SIPA1L3: variants seen among roughly 807,000 people sequenced by gnomAD.
SIPA1L3 encodes signal-induced proliferation-associated 1-like protein 3.
In SIPA1L3, 59 loss-of-function variants were observed where a neutral mutation model predicts 150.1. That is an observed-to-expected ratio of 0.39 (90% CI 0.32 to 0.49). The LOEUF (loss-of-function observed/expected upper bound fraction) is 0.49. Ranked by LOEUF, SIPA1L3 falls within the 20% of genes least tolerant of loss-of-function variation. The pLI is 0.86. For missense variants in SIPA1L3, 2,211 were observed against 2,489.5 expected (o/e 0.89, Z 2.38); for synonymous variants, 1,070 against 1,077.6 (o/e 0.99, Z 0.14).
chr19:38,041,251 C>T (rs1031500469), intron 2 of SIPA1L3, among the ~76,000 whole-genome samples: 1 of 149,046 alleles, frequency 6.7e-6, no homozygotes, highest in African/African-American at 2.5e-5. Context: ...GGATTACAGG[C>T]ACCCGCCAAC....
At chr19:38,022,000 ATCT>A (rs1330283261) in intron 1 of SIPA1L3, among the ~76,000 whole-genome samples, 1 of 152,236 alleles carries the variant, frequency 6.6e-6, no homozygotes, top group Non-Finnish European at 1.5e-5. Flanking sequence ...TCTTTGACCC[ATCT>A]GACATTGATG....
At chr19:38,178,367 T>C (rs1377363635) in intron 15 of SIPA1L3, among the ~76,000 whole-genome samples, 1 of 151,732 alleles carries the variant, frequency 6.6e-6, no homozygotes, top group Non-Finnish European at 1.5e-5. Context: ...ACTCCTGGGC[T>C]CCAGCAGTTC....
At chr19:38,040,954 G>A (rs1023580607) in intron 2 of SIPA1L3, among the ~76,000 whole-genome samples, 1 of 151,742 alleles carries the variant, frequency 6.6e-6, no homozygotes, top group African/African-American at 2.4e-5. Context: ...TAGTAGAGAC[G>A]GGGTTTCACC....
chr19:37,973,908 C>T (rs1004723051), intron 1 of SIPA1L3, among the ~76,000 whole-genome samples: 5 of 152,098 alleles, frequency 3.3e-5, no homozygotes, highest in Non-Finnish European at 7.4e-5. Flanking sequence ...ACTCCACCCT[C>T]GATCACCCAA....
Position 38,206,255 on chromosome 19 carries a change from GC to G in SIPA1L3, c.*18del. The G allele has an allele frequency of 6.5e-7, 1 of 1,531,846 alleles. No homozygotes were observed. The highest frequency in any genetic ancestry group is 8.8e-7 in the Non-Finnish European group (1 of 1,134,700). 94.9% of individuals were successfully genotyped at this position (1,531,846 alleles called of 1,614,324 possible). A position where few individuals can be genotyped will look rare whatever the true frequency, so the allele number is the denominator to read the frequency against. On this transcript the variant is annotated 3_prime_UTR_variant, in exon 22 of 22. Coordinates refer to ENST00000222345, the MANE Select transcript of SIPA1L3 (RefSeq NM_015073.3). ...AGGAGCTCTGAGGTGGGAGGCCGCC[GC>G]CCGCCTTCGCTCCTTCCCCTCAGGC...
intron 1 of SIPA1L3, among the ~76,000 whole-genome samples, chr19:37,949,120 T>G (rs2046738847): frequency 6.6e-6 from 1 of 152,206 alleles, no homozygotes; most frequent in Non-Finnish European, 1.5e-5. Context: ...TTGCACTGTC[T>G]CCTGGCATCA....
Position 38,206,156 on chromosome 19 carries a change from G to C in SIPA1L3, c.5262G>C (p.Gln1754His), listed in dbSNP as rs1973204709. The C allele has an allele frequency of 6.4e-7, 1 of 1,551,566 alleles. No individual in the cohort carries two copies. Among genetic ancestry groups the C allele is most frequent in the Non-Finnish European group, 8.7e-7 (1 of 1,147,174 alleles). Residue 1754 changes from glutamine (Q) to histidine (H), a missense_variant, in exon 22 of 22, where the codon CAG (glutamine) becomes CAC (histidine). By Grantham distance (24) the Gln-to-His change is conservative. Around this residue, in one of 5 missense-constraint regions of SIPA1L3, gnomAD observed 63 missense variants for 106.1 expected, o/e 0.59. Coordinates refer to ENST00000222345, the MANE Select transcript of SIPA1L3 (RefSeq NM_015073.3). ...TGGCCAGCCTGCGGCAGAACAACCA[G>C]CGGCTGCAGGAGGAGTCGCAGGCCG... ...SEVASLRQNN[Q>H]RLQEESQAAS...
intron 21 of SIPA1L3, among the ~76,000 whole-genome samples, chr19:38,205,826 T>C (rs559164089): frequency 4.6e-5 from 7 of 152,346 alleles, no homozygotes; most frequent in Admixed American, 2.6e-4. Context: ...TGTCAAGCGA[T>C]GACTCCACAT....
intron 2 of SIPA1L3, among the ~76,000 whole-genome samples, chr19:38,057,611 T>G (rs1360978064): frequency 1.3e-5 from 2 of 151,828 alleles, no homozygotes; most frequent in African/African-American, 4.8e-5. Context: ...TAGGATTAAT[T>G]TACAGAAGTA....
rs1056881865 is a variant in SIPA1L3, at chr19:38,082,207, C to G, written c.642C>G (p.Pro214=). The G allele has an allele frequency of 3.1e-6, 5 of 1,602,996 alleles. No individual in the cohort carries two copies. The highest frequency in any genetic ancestry group is 4.2e-6 in the Non-Finnish European group (5 of 1,179,764). The change falls in exon 3 of 22, where the codon CCC becomes CCG. Residue 214 remains proline (P), a synonymous_variant. Transcript: ENST00000222345. The part of the protein sequence containing the change: ...STSSIDVQGM[P]EQSFFDILNE... ...CGTCCATCGACGTGCAGGGCATGCCCGAGCAGAGCTTCTTCGACATCCTGA... is the reference window on the plus strand; with the variant it reads ...CGTCCATCGACGTGCAGGGCATGCCGGAGCAGAGCTTCTTCGACATCCTGA...
chr19:38,082,618 C>T lies in SIPA1L3; in HGVS notation c.1053C>T (p.Asp351=), dbSNP rs758356924. 2.5e-6 allele frequency: 4 copies of T among 1,604,714 alleles called. No homozygotes were observed. The highest frequency in any genetic ancestry group is 2.2e-5 in the East Asian group (1 of 44,888). Residue 351 remains aspartate (D), a synonymous_variant, in exon 3 of 22, where the codon GAC becomes GAT. Transcript: ENST00000222345. The part of the protein sequence containing the change: ...AHFDVQSMLF[D]LNEAAANRVS... ...TCGACGTGCAGAGCATGCTGTTCGA[C>T]CTCAACGAGGCGGCCGCCAACAGGG...
intron 2 of SIPA1L3, among the ~76,000 whole-genome samples, chr19:38,063,684 A>G (rs1026698568): frequency 2.0e-5 from 3 of 152,138 alleles, no homozygotes; most frequent in Non-Finnish European, 2.9e-5. Flanking sequence ...GTATTTAACC[A>G]TCAGTCTAGC....
intron 4 of SIPA1L3, among the ~76,000 whole-genome samples, chr19:38,094,884 T>G (rs1412186349): frequency 2.0e-5 from 3 of 152,006 alleles, no homozygotes; most frequent in South Asian, 2.1e-4. Context: ...CTGGTCAACA[T>G]GGCAAAACTC....
chr19:38,101,014 C>T, intron 5 of SIPA1L3, 38 bp from the exon 6 acceptor site: 3 of 1,503,300 alleles, frequency 2.0e-6, no homozygotes, highest in Non-Finnish European at 2.7e-6. Flanking sequence ...GCCATCTCTG[C>T]CTGGCCTGCC....
chr19:38,176,746 T>C (rs332854), intron 15 of SIPA1L3, among the ~76,000 whole-genome samples: 97,015 of 151,856 alleles, frequency 0.64, 31,263 homozygotes, highest in African/African-American at 0.73. Context: ...TCAAGGCAGG[T>C]GGATCACCTG....
At chr19:37,995,652 G>A (rs931164866) in intron 1 of SIPA1L3, among the ~76,000 whole-genome samples, 5 of 152,184 alleles carry the variant, frequency 3.3e-5, no homozygotes, top group African/African-American at 9.7e-5. Context: ...GCCTGAGGAG[G>A]TGGGGCCTGG....
chr19:38,110,274 C>G lies in SIPA1L3; in HGVS notation c.2181C>G (p.Phe727Leu). ...GAAATGACATCGTGACGATCATCTT[C>G]CAGGAGCCTGGCGCGCTACCGTTCA... ...HIGNDIVTII[F>L]QEPGALPFTP... Residue 727 changes from phenylalanine (F) to leucine (L), a missense_variant, in exon 8 of 22, where the codon TTC becomes TTG. Phe to Leu is a conservative substitution (Grantham distance 22, BLOSUM62 0). Coordinates refer to ENST00000222345, the MANE Select transcript of SIPA1L3 (RefSeq NM_015073.3). The G allele has an allele frequency of 6.2e-7, 1 of 1,614,180 alleles. No homozygotes were observed. Among genetic ancestry groups the G allele is most frequent in the South Asian group, 1.1e-5 (1 of 91,084 alleles).
chr19:38,205,560 G>A (rs1446790207), intron 21 of SIPA1L3, among the ~76,000 whole-genome samples: 1 of 151,740 alleles, frequency 6.6e-6, no homozygotes, highest in Non-Finnish European at 1.5e-5. Flanking sequence ...GTAAGTCTTC[G>A]AGCCGTGGAA....
At position 38,186,597 on chromosome 19, in the gene SIPA1L3, GC is replaced by G. The variant is rs925469062; in HGVS notation, c.4430+3864del. Among the ~76,000 whole-genome samples, 7 of 150,188 alleles carry G rather than the reference GC, an allele frequency of 4.7e-5. No homozygotes were observed. The East Asian group carries it at 6.1e-4, about 13-fold the overall frequency. On this transcript the variant is annotated intron_variant, in intron 16 of 21. Transcript: ENST00000222345. The stretch of plus-strand genomic sequence containing the variant: ...TCGAACTCTTGACCTCAGGCAATCC[GC>G]CCCCCCTTGGCCTCCCAAAGTGCTG...
Sources: allele counts gnomAD v4.1 joint callset (sites outside exome capture counted in the v4.1 genomes callset), GRCh38; gene constraint gnomAD v4.1.1; regional missense constraint gnomAD v4.1.1; transcripts MANE v1.5; gene names NCBI Gene and HGNC (gene_info 2026-07-23, HGNC 2026-07-21).